Variants in WWOX observed in about 807,000 individuals in gnomAD.
The protein encoded by WWOX is WW domain-containing oxidoreductase.
Under a neutral mutation model 46.2 loss-of-function variants are expected in WWOX, and 69 were observed. That is an observed-to-expected ratio of 1.49 (90% CI 1.23 to 1.82). The LOEUF is 1.82. Among genes scored for constraint, WWOX ranks in the 40% most tolerant of loss-of-function variants. The probability of loss-of-function intolerance (pLI) is 0.00; values close to 1 mark genes in which losing one functional copy is unlikely to be tolerated. For missense variants in WWOX, 919 were observed against 542.6 expected, an observed-to-expected ratio of 1.69 and a Z score of -6.89; for synonymous variants, 359 against 202.6, an observed-to-expected ratio of 1.77 and a Z score of -6.56.
chr16:78,538,743 A>AT (rs1273346677), intron 8 of WWOX, among the ~76,000 whole-genome samples: 2 of 152,160 alleles, frequency 1.3e-5, no homozygotes, highest in Non-Finnish European at 2.9e-5. Flanking sequence ...CCAGCATCTG[A>AT]TTTTAAAACC....
intron 8 of WWOX, among the ~76,000 whole-genome samples, chr16:78,947,461 C>T (rs372433014): frequency 4.6e-5 from 7 of 152,246 alleles, no homozygotes; most frequent in African/African-American, 9.6e-5. Context: ...AGTGAGGAAA[C>T]GCTCTCTTCT....
Position 79,041,379 on chromosome 16 carries a change from C to T in WWOX, c.1057-170229C>T, listed in dbSNP as rs773807691. Among the ~76,000 whole-genome samples the T allele has an allele frequency of 2.6e-4, 40 of 152,118 alleles. 1 individual carries two copies. The highest frequency in any genetic ancestry group is 1.0e-4 in the Non-Finnish European group (7 of 68,026). On this transcript the variant is annotated intron_variant, in intron 8 of 8. Coordinates refer to ENST00000566780, the MANE Select transcript of WWOX (RefSeq NM_016373.4). ...GCCTTCCTTGCTGGAATGCCCATTC[C>T]CTGATATAAGGATTCCACCCACCAC...
intron 5 of WWOX, among the ~76,000 whole-genome samples, chr16:78,212,462 T>A (rs1427700104): frequency 6.6e-6 from 1 of 152,204 alleles, no homozygotes; most frequent in Non-Finnish European, 1.5e-5. Context: ...CAACCCCTTC[T>A]TTGACTACCT....
chr16:78,944,423 A>G (rs970105197), intron 8 of WWOX, among the ~76,000 whole-genome samples: 2 of 152,236 alleles, frequency 1.3e-5, no homozygotes, highest in Non-Finnish European at 1.5e-5. Flanking sequence ...GAGTCAAATT[A>G]TAAACAGGTG....
chr16:79,195,370 C>A lies in WWOX; in HGVS notation c.1057-16238C>A, dbSNP rs187951176. Reference sequence around the variant, plus strand: ...GAAACTCTGAAGCTGGATTATTCTTCAGAGATGCAAGGAGGTCAGGAAGTC... The same window carrying A: ...GAAACTCTGAAGCTGGATTATTCTTAAGAGATGCAAGGAGGTCAGGAAGTC... On this transcript the variant is annotated intron_variant, in intron 8 of 8. Transcript: ENST00000566780. Among the ~76,000 whole-genome samples, 4 of 152,288 alleles carry A rather than the reference C, an allele frequency of 2.6e-5. No homozygotes were observed. The East Asian group carries it at 7.7e-4, about 29-fold the overall frequency.
chr16:78,454,555 C>G (rs12051059), intron 8 of WWOX, among the ~76,000 whole-genome samples: 18,238 of 152,080 alleles, frequency 0.12, 1,706 homozygotes, highest in African/African-American at 0.25. Context: ...GCCCAGGCTG[C>G]AGTGCAATGG....
chr16:79,204,880 G>A (rs936064690), intron 8 of WWOX: 1 of 152,184 alleles, frequency 6.6e-6, no homozygotes, highest in Non-Finnish European at 1.5e-5. Context: ...ATTTCACAGA[G>A]GAGTAAGAGC....
intron 8 of WWOX, among the ~76,000 whole-genome samples, chr16:78,806,247 C>A (rs80036948): frequency 6.6e-6 from 1 of 152,092 alleles, no homozygotes; most frequent in Non-Finnish European, 1.5e-5. Flanking sequence ...TCATGAGAAC[C>A]CATTTTCTGG....
chr16:79,075,823 C>G (rs1267230378), intron 8 of WWOX, among the ~76,000 whole-genome samples: 3 of 152,104 alleles, frequency 2.0e-5, no homozygotes, highest in African/African-American at 7.2e-5. Flanking sequence ...ACCTCGGCAG[C>G]CTGTTTCCTT....
chr16:78,106,096 C>T (rs925833549), intron 1 of WWOX, among the ~76,000 whole-genome samples: 9 of 152,330 alleles, frequency 5.9e-5, no homozygotes, highest in South Asian at 4.1e-4. Context: ...GCCACCGTAC[C>T]CCGCCACTCC....
chr16:78,887,659 C>A (rs1012697643), intron 8 of WWOX, among the ~76,000 whole-genome samples: 9 of 152,110 alleles, frequency 5.9e-5, no homozygotes, highest in African/African-American at 2.2e-4. Flanking sequence ...TATGTGGATT[C>A]CATAAAATAG....
chr16:78,886,666 T>C (rs1183943853), intron 8 of WWOX, among the ~76,000 whole-genome samples: 1 of 142,648 alleles, frequency 7.0e-6, no homozygotes, highest in Admixed American at 6.8e-5. Flanking sequence ...ATGTAAAATA[T>C]ATATATGAAG....
intron 5 of WWOX, among the ~76,000 whole-genome samples, chr16:78,212,123 C>T (rs1390703021): frequency 2.0e-5 from 3 of 152,192 alleles, no homozygotes; most frequent in African/African-American, 7.2e-5. Flanking sequence ...CTGCCCAGTC[C>T]AGCCTCATTC....
chr16:78,590,303 C>T (rs1043720124), intron 8 of WWOX, among the ~76,000 whole-genome samples: 2 of 152,116 alleles, frequency 1.3e-5, no homozygotes, highest in Non-Finnish European at 2.9e-5. Context: ...AAAGGCACCA[C>T]GTTGCTGTGT....
At chr16:78,307,188 A>AAGTAGGGAACAGTGAAGGTAGTT (rs1385675913) in intron 5 of WWOX, among the ~76,000 whole-genome samples, 1 of 152,178 alleles carries the variant, frequency 6.6e-6, no homozygotes, top group African/African-American at 2.4e-5. Context: ...TTTATGAAGT[A>AAGTAGGGAACAGTGAAGGTAGTT]AGTAGGGAAC....
At chr16:79,124,329 G>T (rs2049704413) in intron 8 of WWOX, among the ~76,000 whole-genome samples, 1 of 146,406 alleles carries the variant, frequency 6.8e-6, no homozygotes, top group Non-Finnish European at 1.5e-5. Context: ...GACGGGGTTT[G>T]TTTTATTCAT....
chr16:79,027,283 A>AAC (rs2047664968), intron 8 of WWOX, among the ~76,000 whole-genome samples: 1 of 150,846 alleles, frequency 6.6e-6, no homozygotes, highest in Admixed American at 6.6e-5. Context: ...CCATCTCAAA[A>AAC]AAAAAAAAAA....
intron 8 of WWOX, among the ~76,000 whole-genome samples, chr16:78,451,647 G>C (rs1359343351): frequency 1.3e-5 from 2 of 152,182 alleles, no homozygotes; most frequent in Non-Finnish European, 2.9e-5. Flanking sequence ...GTTGGTGGGA[G>C]GTGTGCAGGA....
intron 8 of WWOX, among the ~76,000 whole-genome samples, chr16:78,964,062 C>G (rs1409245832): frequency 6.6e-6 from 1 of 152,242 alleles, no homozygotes; most frequent in East Asian, 1.9e-4. Flanking sequence ...CTGATTAAAC[C>G]TCTTTTTCTT....
Sources: gnomAD v4.1 joint callset for allele counts (sites outside exome capture counted in the v4.1 genomes callset) on GRCh38, gnomAD v4.1.1 for gene constraint, MANE v1.5 for transcripts, NCBI Gene and HGNC (gene_info 2026-07-23, HGNC 2026-07-21) for gene names.